The following PTPRK variants were observed in gnomAD, a reference collection of about 807,000 sequenced individuals.
PTPRK encodes the protein protein tyrosine phosphatase receptor type K.
In PTPRK, 75 loss-of-function variants were observed where a neutral mutation model predicts 178.0. That is an observed-to-expected ratio of 0.42 (90% confidence interval 0.35 to 0.51). PTPRK has a LOEUF of 0.51. PTPRK is among the 20% of genes least tolerant of loss of function. PTPRK has a pLI of 0.02. For missense variants in PTPRK, 1,441 were observed against 1,797.8 expected (o/e 0.80, Z 3.59); for synonymous variants, 637 against 620.6 (o/e 1.03, Z -0.39).
At chr6:128,424,127 G>A (rs1057098525) in intron 1 of PTPRK, among the ~76,000 whole-genome samples, 4 of 152,032 alleles carry the variant, frequency 2.6e-5, no homozygotes, top group Admixed American at 2.6e-4. Context: ...CAGTTACTTG[G>A]GAGGCTGAGG....
At chr6:128,308,458 T>C (rs1440265183) in intron 3 of PTPRK, among the ~76,000 whole-genome samples, 2 of 151,720 alleles carry the variant, frequency 1.3e-5, no homozygotes, top group African/African-American at 4.8e-5. Flanking sequence ...CACGAACTGC[T>C]TGCATTTAGA....
chr6:128,197,184 CTTT>C (rs5879879), intron 6 of PTPRK, among the ~76,000 whole-genome samples: 4 of 138,648 alleles, frequency 2.9e-5, no homozygotes, highest in Admixed American at 7.3e-5. Context: ...TTGTTTTTTT[CTTT>C]TTTTTTTTTT....
intron 10 of PTPRK, among the ~76,000 whole-genome samples, chr6:128,079,532 G>C (rs1784436915): frequency 6.6e-6 from 1 of 151,928 alleles, no homozygotes; most frequent in Non-Finnish European, 1.5e-5. Context: ...TTAAATATTT[G>C]ATAATGCTTA....
At chr6:128,457,598 A>C (rs1203875016) in intron 1 of PTPRK, among the ~76,000 whole-genome samples, 1 of 152,148 alleles carries the variant, frequency 6.6e-6, no homozygotes, top group African/African-American at 2.4e-5. Flanking sequence ...TTTGTCCCAG[A>C]AAACTGACTA....
At chr6:128,456,222 T>C (rs780856243) in intron 1 of PTPRK, among the ~76,000 whole-genome samples, 5 of 152,022 alleles carry the variant, frequency 3.3e-5, no homozygotes, top group Admixed American at 1.3e-4. Context: ...CAAACAGACT[T>C]AAATTACCCA....
At chr6:128,334,925 T>C (rs1332121268) in intron 2 of PTPRK, among the ~76,000 whole-genome samples, 2 of 151,956 alleles carry the variant, frequency 1.3e-5, no homozygotes. Context: ...CTGTCTCTAC[T>C]AAAAATACAA....
At chr6:128,030,008 A>C (rs1775042201) in intron 13 of PTPRK, among the ~76,000 whole-genome samples, 1 of 152,174 alleles carries the variant, frequency 6.6e-6, no homozygotes, top group Admixed American at 6.6e-5. Flanking sequence ...TATTAGCATA[A>C]GTCTAACTTC....
At chr6:128,451,155 A>G (rs1847738154) in intron 1 of PTPRK, among the ~76,000 whole-genome samples, 1 of 152,220 alleles carries the variant, frequency 6.6e-6, no homozygotes, top group South Asian at 2.1e-4. Flanking sequence ...CTCTTAAAAT[A>G]CTTTGATATT....
Position 128,240,103 on chromosome 6 carries a change from C to G in PTPRK, c.625G>C (p.Gly209Arg), listed in dbSNP as rs1253751416. 6.2e-7 allele frequency: 1 copy of G among 1,614,064 alleles called. No individual in the cohort carries two copies. Among genetic ancestry groups the G allele is most frequent in the East Asian group, 2.2e-5 (1 of 44,866 alleles). The change falls in exon 5 of 30, where the codon GGG (glycine) becomes CGG (arginine). Residue 209 changes from glycine (G) to arginine (R), a missense_variant. Gly to Arg is a moderately radical substitution (Grantham distance 125). Coordinates refer to ENST00000368226, the MANE Select transcript of PTPRK (RefSeq NM_002844.4). ...LRLGDVEVNA[G>R]QNATFQCIAT... ...ATGCACTGAAATGTAGCGTTTTGCC[C>G]TGCATTCACCTCTACATCCCCTAGA...
intron 3 of PTPRK, among the ~76,000 whole-genome samples, chr6:128,259,069 G>A (rs779961778): frequency 8.5e-5 from 13 of 152,076 alleles, no homozygotes; most frequent in Non-Finnish European, 1.5e-4. Context: ...GAAGCTGGGA[G>A]AAGTGTGGGG....
At chr6:128,116,089 T>C (rs1024206580) in intron 7 of PTPRK, among the ~76,000 whole-genome samples, 16 of 152,124 alleles carry the variant, frequency 1.1e-4, no homozygotes, top group Non-Finnish European at 2.2e-4. Flanking sequence ...ACAAGATTTC[T>C]TCTACTTCTG....
At chr6:128,189,235 CTTTTTTTTT>C (rs71028115) in intron 6 of PTPRK, among the ~76,000 whole-genome samples, 3 of 67,466 alleles carry the variant, frequency 4.4e-5, no homozygotes, top group African/African-American at 1.8e-4. Flanking sequence ...TACTCTTTTT[CTTTTTTTTT>C]TTTTTTTTTT....
intron 13 of PTPRK, among the ~76,000 whole-genome samples, chr6:128,038,427 CTGT>C (rs113005067): frequency 0.25 from 37,928 of 151,906 alleles, 6,817 homozygotes; most frequent in African/African-American, 0.51. Context: ...ATTTGTATGG[CTGT>C]TACATATGCT....
rs146939377 is a variant in PTPRK at position 128,209,595 on chromosome 6, C to T, written c.868+9327G>A. On this transcript the variant is annotated intron_variant, in intron 6 of 29. Coordinates refer to ENST00000368226, the MANE Select transcript of PTPRK (RefSeq NM_002844.4). The stretch of plus-strand genomic sequence containing the variant: ...GTCATTCATATGGCACTTTATACCT[C>T]ACTATTTTTGTTTTTTTGACAATAT... Among the ~76,000 whole-genome samples, 139 of 152,242 alleles carry T rather than the reference C, an allele frequency of 9.1e-4. 1 individual carries two copies. The highest frequency in any genetic ancestry group is 3.0e-3 in the African/African-American group (126 of 41,552).
intron 9 of PTPRK, among the ~76,000 whole-genome samples, chr6:128,083,481 A>T (rs940248334): frequency 3.9e-5 from 6 of 152,084 alleles, no homozygotes; most frequent in African/African-American, 1.4e-4. Context: ...TCAACAAAAC[A>T]GCAACAAAAA....
chr6:128,308,622 A>T (rs2128315063), intron 3 of PTPRK, among the ~76,000 whole-genome samples: 2 of 152,256 alleles, frequency 1.3e-5, no homozygotes, highest in Middle Eastern at 6.8e-3. Flanking sequence ...GACTTGGGAA[A>T]AGTCAGAGAT....
intron 1 of PTPRK, among the ~76,000 whole-genome samples, chr6:128,476,984 A>G (rs1451119535): frequency 2.0e-5 from 3 of 152,078 alleles, no homozygotes; most frequent in African/African-American, 4.8e-5. Context: ...GTGTTTTCCA[A>G]GCACTTAATA....
At position 128,326,475 on chromosome 6, in the gene PTPRK, A is replaced by T. The variant is rs1829584537; in HGVS notation, c.224-4165T>A. Among the ~76,000 whole-genome samples, 3 of 152,138 alleles carry T rather than the reference A, an allele frequency of 2.0e-5. No homozygotes were observed. The South Asian group carries it at 6.2e-4, about 32-fold the overall frequency. ...GTATTCTCAATATTCAATAATCAGT[A>T]ATTTGCAAAATTACAGCAAATCAAT... On this transcript the variant is annotated intron_variant, in intron 2 of 29. Transcript: ENST00000368226.
rs1224645999 is a variant in PTPRK at position 128,297,017 on chromosome 6, A to G, written c.495+25022T>C. Among the ~76,000 whole-genome samples, 11 of 151,702 alleles carry G rather than the reference A, an allele frequency of 7.3e-5. 1 individual carries two copies. The highest frequency in any genetic ancestry group is 3.4e-3 in the Middle Eastern group (1 of 294). ...GAGACACACATAGGCTCAAAATAAA[A>G]GGATGGAGGAAGATCTACCAAGCAA... On this transcript the variant is annotated intron_variant, in intron 3 of 29. Transcript: ENST00000368226.
Sources: allele counts gnomAD v4.1 joint callset (sites outside exome capture counted in the v4.1 genomes callset), GRCh38; gene constraint gnomAD v4.1.1; transcripts MANE v1.5; gene names NCBI Gene and HGNC (gene_info 2026-07-23, HGNC 2026-07-21).